Variants in APOB observed in about 807,000 individuals in gnomAD.
APOB encodes apolipoprotein B, also known as apolipoprotein B-100.
In APOB, 153 loss-of-function variants were observed where a neutral mutation model predicts 314.1. That is an observed-to-expected ratio of 0.49 (90% CI 0.43 to 0.56). The LOEUF is 0.56. Ranked by LOEUF, APOB falls within the 20% of genes least tolerant of loss-of-function variation. APOB has a pLI of 0.00. For synonymous variants in APOB, 2,087 were observed against 2,036.4 expected (o/e 1.02, Z -0.67); for missense variants, 5,430 against 5,350.7 (o/e 1.01, Z -0.46).
At chr2:21,027,748 G>A in intron 14 of APOB, 80 bp downstream of exon 14, 1 of 1,099,100 alleles carries the variant, frequency 9.1e-7, no homozygotes. Flanking sequence ...TTTCCTCTGG[G>A]TAGCTCCTGG....
chr2:21,009,635 T>C lies in APOB; in HGVS notation c.7233A>G (p.Thr2411=). 1 of 1,613,816 alleles carries C rather than the reference T, an allele frequency of 6.2e-7. No individual in the cohort carries two copies. The highest frequency in any genetic ancestry group is 8.5e-7 in the Non-Finnish European group (1 of 1,179,822). The change falls in exon 26 of 29, where the codon ACA becomes ACG. Residue 2411 remains threonine, a synonymous_variant. Transcript: ENST00000233242. ...VKKLNELSFK[T]FIEDVNKFLD... ...GGAATTTGTTAACATCTTCAATGAA[T>C]GTTTTAAAAGATAATTCATTAAGCT...
At chr2:21,014,924 T>A in intron 23 of APOB, 149 bp downstream of exon 23, 1 of 854,042 alleles carries the variant, frequency 1.2e-6, no homozygotes, top group South Asian at 1.5e-5. Flanking sequence ...TACACACTTG[T>A]GAAAGTTTTT....
chr2:21,038,598 A>G (rs182091145), intron 4 of APOB, among the ~76,000 whole-genome samples: 6 of 152,276 alleles, frequency 3.9e-5, no homozygotes, highest in African/African-American at 1.2e-4. Context: ...GGCCTCCCAA[A>G]GTGCTGGGAC....
rs1558571058 is a variant in APOB, at chr2:21,025,152, TGA to T, written c.2245-30_2245-29del. 7 of 1,606,296 alleles carry T rather than the reference TGA, an allele frequency of 4.4e-6. No homozygotes were observed. The South Asian group carries it at 7.7e-5, about 18-fold the overall frequency. On this transcript the variant is annotated intron_variant, in intron 15 of 28. Coordinates refer to ENST00000233242, the MANE Select transcript of APOB (RefSeq NM_000384.3). ...GAGAGTTTAGTAATAAAATGGCCAGTGAGATGTCAGCAATGTCAAACACCTTT... is the reference window on the plus strand; with the variant it reads ...GAGAGTTTAGTAATAAAATGGCCAGTGATGTCAGCAATGTCAAACACCTTT...
rs148985217 is a variant in APOB at position 21,032,362 on chromosome 2, C to G, written c.1344G>C (p.Ala448=). The change falls in exon 10 of 29, where the codon GCG becomes GCC. Residue 448 remains alanine (A), a synonymous_variant. Transcript: ENST00000233242. ...SRATLYALSH[A]VNNYHKTNPT... Reference sequence around the variant, plus strand: ...ACAGTGTGGAAACTCACTTGTTGACCGCGTGGCTCAGCGCATACAAGGTGG... The same window carrying G: ...ACAGTGTGGAAACTCACTTGTTGACGGCGTGGCTCAGCGCATACAAGGTGG... 6.2e-7 allele frequency: 1 copy of G among 1,612,970 alleles called. No homozygotes were observed. The highest frequency in any genetic ancestry group is 1.1e-5 in the South Asian group (1 of 91,050).
rs751121092 is a variant in APOB at position 21,003,346 on chromosome 2, GAAA to G, written c.12088-15_12088-13del. On this transcript the variant is annotated splice_polypyrimidine_tract_variant and intron_variant, in intron 28 of 28. Transcript: ENST00000233242. ...TTATCTGGAGAGGACTAAACAGAGAGAAAAAAAAAAATAACATGTTTTCAATTA... is the reference window on the plus strand; with the variant it reads ...TTATCTGGAGAGGACTAAACAGAGAGAAAAAAAATAACATGTTTTCAATTA... 1.2e-5 allele frequency: 15 copies of G among 1,260,454 alleles called. No individual in the cohort carries two copies. In the African/African-American group the frequency reaches 1.6e-4, roughly 13 times the overall value. The allele number at this position is 1,260,454 out of a possible 1,614,324, so 78.1% of individuals were successfully genotyped here. A position where few individuals can be genotyped will look rare whatever the true frequency, so the allele number is the denominator to read the frequency against.
chr2:21,005,928 T>A lies in APOB; in HGVS notation c.10940A>T (p.Gln3647Leu). 6.2e-7 allele frequency: 1 copy of A among 1,613,968 alleles called. No homozygotes were observed. The highest frequency in any genetic ancestry group is 8.5e-7 in the Non-Finnish European group (1 of 1,179,942). ...VRIHSGSFQS[Q>L]VELSNDQEKA... ...TTCTTGGTCATTGGAAAGCTCGACC[T>A]GGCTCTGGAAAGACCCAGAATGAAT... Residue 3647 changes from glutamine to leucine, a missense_variant, in exon 26 of 29, where the codon CAG (glutamine) becomes CTG (leucine). Coordinates refer to ENST00000233242, the MANE Select transcript of APOB (RefSeq NM_000384.3).
chr2:21,006,007 C>T lies in APOB; in HGVS notation c.10861G>A (p.Ala3621Thr), dbSNP rs373995960. The T allele has an allele frequency of 1.1e-5, 18 of 1,613,930 alleles. No individual in the cohort carries two copies. The highest frequency in any genetic ancestry group is 7.7e-5 in the South Asian group (7 of 91,064). The change falls in exon 26 of 29, where the codon GCC becomes ACC. Residue 3621 changes from alanine (A) to threonine (T), a missense_variant. Physicochemically the swap from Ala to Thr is moderately conservative, Grantham distance 58. Around this residue, in one of 3 missense-constraint regions of APOB, gnomAD observed 3,281 missense variants for 3,171.0 expected, o/e 1.03. Transcript: ENST00000233242. The stretch of plus-strand genomic sequence containing the variant: ...TGGTTCTTAGTGTTAGCATTCAGGG[C>T]CACTTCCTGGCCAAGGTCAGGGAAA... ...HDFPDLGQEVALNANTKNQKI... is the reference protein window; with the variant it reads ...HDFPDLGQEVTLNANTKNQKI...
chr2:21,011,909 AG>A lies in APOB; in HGVS notation c.4958del (p.Ser1653LeufsTer8). 6.2e-7 allele frequency: 1 copy of A among 1,614,002 alleles called. No individual in the cohort carries two copies. ...ATLRIGQDGI[S>X]TSATTNLKCS... is the part of the protein sequence containing the mutation. ...ACTTCAAGTTGGTCGTTGCACTGGT[AG>A]ATATTCCATCTTGGCCAATCCTTAG... On this transcript the variant is annotated frameshift_variant, in exon 26 of 29. Coordinates refer to ENST00000233242, the MANE Select transcript of APOB (RefSeq NM_000384.3). LOFTEE classifies it high-confidence loss of function.
Position 21,044,046 on chromosome 2 carries a change from A to G in APOB, c.-101T>C, listed in dbSNP as rs968397271. On this transcript the variant is annotated 5_prime_UTR_variant, in exon 1 of 29. Transcript: ENST00000233242. ...CTCAGCGGCAGCAACCGAGAAGGGCACTCAGCCCCGCAGGTCCCGGTGGGA... is the reference window on the plus strand; with the variant it reads ...CTCAGCGGCAGCAACCGAGAAGGGCGCTCAGCCCCGCAGGTCCCGGTGGGA... 2.0e-6 allele frequency: 1 copy of G among 496,310 alleles called. No homozygotes were observed. Among genetic ancestry groups the G allele is most frequent in the African/African-American group, 2.0e-5 (1 of 48,980 alleles). The allele number at this position is 496,310 out of a possible 1,614,324, so 30.7% of individuals were successfully genotyped here.
At chr2:21,021,397 T>C (rs1663603217) in intron 18 of APOB, among the ~76,000 whole-genome samples, 2 of 152,326 alleles carry the variant, frequency 1.3e-5, no homozygotes, top group African/African-American at 4.8e-5. Flanking sequence ...AGATGTCCAA[T>C]GGTCTCTTCG....
In APOB at chr2:21,002,870, C is replaced by A; in HGVS notation, c.12552G>T (p.Met4184Ile). The A allele has an allele frequency of 6.2e-7, 1 of 1,613,592 alleles. No individual in the cohort carries two copies. The highest frequency in any genetic ancestry group is 1.1e-5 in the South Asian group (1 of 90,994). ...GTGAGTCAATCAGATGCTTGACTTT[C>A]ATATGGAATTCTTGAGTAACTCGTA... ...GLVRVTQEFH[M>I]KVKHLIDSLI... Residue 4184 changes from methionine to isoleucine, a missense_variant, in exon 29 of 29, where the codon ATG becomes ATT. Around this residue, in one of 3 missense-constraint regions of APOB, gnomAD observed 3,281 missense variants for 3,171.0 expected, o/e 1.03. Transcript: ENST00000233242.
At position 21,033,361 on chromosome 2, in the gene APOB, C is replaced by A; in HGVS notation, c.1062G>T (p.Glu354Asp). The change falls in exon 9 of 29, where the codon GAG becomes GAT. Residue 354 changes from glutamate (E) to aspartate (D), a missense_variant. Transcript: ENST00000233242. ...CTGCTTCATCACTGAGGCCTCTCAGCTCAGTAACCAGCTTATTGAAGAGAT... is the reference window on the plus strand; with the variant it reads ...CTGCTTCATCACTGAGGCCTCTCAGATCAGTAACCAGCTTATTGAAGAGAT... ...RANLFNKLVT[E>D]LRGLSDEAVT... is the part of the protein sequence containing the mutation. The A allele has an allele frequency of 6.2e-7, 1 of 1,614,192 alleles. No individual in the cohort carries two copies. The highest frequency in any genetic ancestry group is 8.5e-7 in the Non-Finnish European group (1 of 1,180,038).
chr2:21,009,064 C>T lies in APOB; in HGVS notation c.7804G>A (p.Val2602Ile), dbSNP rs1458143810. Residue 2602 changes from valine (V) to isoleucine (I), a missense_variant, in exon 26 of 29, where the codon GTC (valine) becomes ATC (isoleucine). Physicochemically the swap from Val to Ile is conservative, Grantham distance 29. Around this residue, in one of 3 missense-constraint regions of APOB, gnomAD observed 3,281 missense variants for 3,171.0 expected, o/e 1.03. Coordinates refer to ENST00000233242, the MANE Select transcript of APOB (RefSeq NM_000384.3). ...TILGTMPAFE[V>I]SLQALQKATF... ...GCTTTCTGAAGAGCCTGAAGACTGACTTCAAAGGCAGGCATGGTCCCAAGG... is the reference window on the plus strand; with the variant it reads ...GCTTTCTGAAGAGCCTGAAGACTGATTTCAAAGGCAGGCATGGTCCCAAGG... The T allele has an allele frequency of 6.2e-7, 1 of 1,614,100 alleles. No homozygotes were observed.
intron 28 of APOB, 24 bp from the exon 29 acceptor site, chr2:21,003,358 T>C (rs752456311): frequency 6.4e-7 from 1 of 1,559,108 alleles, no homozygotes; most frequent in Admixed American, 1.7e-5. Context: ...AAAAAAAAAA[T>C]AACATGTTTT....
In APOB at chr2:21,033,377, T is replaced by C. The variant is rs2103380503; in HGVS notation, c.1046A>G (p.Asn349Ser). 1.2e-6 allele frequency: 2 copies of C among 1,614,176 alleles called. No homozygotes were observed. Among genetic ancestry groups the C allele is most frequent in the Admixed American group, 1.7e-5 (1 of 60,024 alleles). Residue 349 changes from asparagine to serine, a missense_variant, in exon 9 of 29, where the codon AAT (asparagine) becomes AGT (serine). Transcript: ENST00000233242. ...GCCTCTCAGCTCAGTAACCAGCTTA[T>C]TGAAGAGATTAGCTCTCTGGATATT... The part of the protein sequence containing the change: ...EQNIQRANLF[N>S]KLVTELRGLS...
chr2:21,032,200 T>C (rs756534300), intron 10 of APOB, among the ~76,000 whole-genome samples, 154 bp downstream of exon 10: 11 of 152,192 alleles, frequency 7.2e-5, no homozygotes, highest in Non-Finnish European at 1.3e-4. Flanking sequence ...ATTTCTTATT[T>C]CAAGTCATTA....
At chr2:21,040,864 C>G in intron 4 of APOB, 74 bp downstream of exon 4, 1 of 1,535,278 alleles carries the variant, frequency 6.5e-7, no homozygotes, top group Non-Finnish European at 9.0e-7. Context: ...CACATCCGTG[C>G]CTGGTGCAAA....
At chr2:21,038,285 A>C (rs1312866224) in intron 4 of APOB, among the ~76,000 whole-genome samples, 174 bp from the exon 5 acceptor site, 4 of 152,184 alleles carry the variant, frequency 2.6e-5, no homozygotes. Flanking sequence ...TTTTCAAAAA[A>C]GTATGCACAT....
Sources: allele counts gnomAD v4.1 joint callset (sites outside exome capture counted in the v4.1 genomes callset), GRCh38; gene constraint gnomAD v4.1.1; regional missense constraint gnomAD v4.1.1; transcripts MANE v1.5; gene names NCBI Gene and HGNC (gene_info 2026-07-23, HGNC 2026-07-21).